The following FSD1L variants were observed in gnomAD, a reference collection of about 807,000 sequenced individuals.
FSD1L encodes FSD1-like protein.
A neutral mutation model predicts 71.6 loss-of-function variants in FSD1L; 45 were observed. That is an observed-to-expected ratio of 0.63 (90% CI 0.49 to 0.81). The LOEUF (loss-of-function observed/expected upper bound fraction) is 0.81, where lower values mean the gene tolerates loss of function less well. FSD1L is among the 30% of genes least tolerant of loss of function. FSD1L has a pLI of 0.00. For missense variants in FSD1L, 561 were observed against 618.1 expected (o/e 0.91, Z 0.98); for synonymous variants, 197 against 207.2 (o/e 0.95, Z 0.42).
intron 12 of FSD1L, among the ~76,000 whole-genome samples, chr9:105,537,678 A>G (rs1836353941): frequency 6.6e-6 from 1 of 152,080 alleles, no homozygotes; most frequent in Admixed American, 6.6e-5. Flanking sequence ...TCATAAGATA[A>G]TTGAGTTTTA....
intron 7 of FSD1L, among the ~76,000 whole-genome samples, chr9:105,502,130 T>G (rs1334344700): frequency 6.6e-6 from 1 of 152,188 alleles, no homozygotes; most frequent in African/African-American, 2.4e-5. Context: ...TAAGTCAAAC[T>G]GCTTATGTTT....
intron 6 of FSD1L, among the ~76,000 whole-genome samples, chr9:105,481,128 G>C (rs890169367): frequency 8.2e-6 from 1 of 122,194 alleles, no homozygotes; most frequent in African/African-American, 3.3e-5. Context: ...AGGAATTAGG[G>C]TTCAGGCAAA....
chr9:105,505,408 A>G (rs1247145295), intron 7 of FSD1L, among the ~76,000 whole-genome samples: 5 of 152,008 alleles, frequency 3.3e-5, no homozygotes, highest in Admixed American at 3.3e-4. Flanking sequence ...TTACTGGCGC[A>G]TGCCACCACA....
At chr9:105,536,983 G>A (rs1351787797) in intron 12 of FSD1L, among the ~76,000 whole-genome samples, 1 of 152,116 alleles carries the variant, frequency 6.6e-6, no homozygotes, top group African/African-American at 2.4e-5. Context: ...TAATGCAAAT[G>A]AAGACTATTA....
intron 9 of FSD1L, among the ~76,000 whole-genome samples, chr9:105,510,595 G>T (rs58406361): frequency 0.011 from 1,647 of 152,170 alleles, 32 homozygotes; most frequent in African/African-American, 0.038. Context: ...TTCCACTTAA[G>T]GTTCTTGATA....
intron 3 of FSD1L, among the ~76,000 whole-genome samples, chr9:105,467,268 A>G (rs550855227): frequency 6.6e-6 from 1 of 152,346 alleles, no homozygotes; most frequent in Non-Finnish European, 1.5e-5. Flanking sequence ...AAGTTTGGAC[A>G]TATAATATTA....
chr9:105,485,546 T>TG (rs1341784921), intron 7 of FSD1L, among the ~76,000 whole-genome samples: 57 of 150,604 alleles, frequency 3.8e-4, no homozygotes, highest in Middle Eastern at 6.8e-3. Context: ...TTTTTTTTTT[T>TG]TTTTTTTTTT....
In FSD1L at chr9:105,494,300, T is replaced by C. The variant is rs1833187334; in HGVS notation, c.586+9798T>C. On this transcript the variant is annotated intron_variant, in intron 7 of 13. Transcript: ENST00000481272. Reference sequence around the variant, plus strand: ...TCTTCCAGTTGATTGCATCGGCTCCTGAGGCTTCTGCATTCTTCACGTAGT... The same window carrying C: ...TCTTCCAGTTGATTGCATCGGCTCCCGAGGCTTCTGCATTCTTCACGTAGT... Among the ~76,000 whole-genome samples, 3 of 152,206 alleles carry C rather than the reference T, an allele frequency of 2.0e-5. 1 individual carries two copies. The South Asian group carries it at 6.2e-4, about 32-fold the overall frequency.
At chr9:105,460,815 A>C (rs984717639) in intron 1 of FSD1L, among the ~76,000 whole-genome samples, 4 of 152,120 alleles carry the variant, frequency 2.6e-5, no homozygotes, top group Non-Finnish European at 5.9e-5. Flanking sequence ...CTAACCCAAA[A>C]CATGAGTGAA....
rs114339202 is a variant in FSD1L, at chr9:105,497,191, C to A, written c.587-9208C>A. Among the ~76,000 whole-genome samples, 1,402 of 152,240 alleles carry A rather than the reference C, an allele frequency of 9.2e-3. 22 individuals carry two copies. The highest frequency in any genetic ancestry group is 0.032 in the African/African-American group (1,340 of 41,512). ...TTACATTGATTTTTCAAATGTCGAACCAGCCTGCATACTTGGAATAAATAC... is the reference window on the plus strand; with the variant it reads ...TTACATTGATTTTTCAAATGTCGAAACAGCCTGCATACTTGGAATAAATAC... On this transcript the variant is annotated intron_variant, in intron 7 of 13. Transcript: ENST00000481272.
chr9:105,552,181 G>A lies in FSD1L; in HGVS notation c.*5698G>A, dbSNP rs1194406965. ...TAATTCCTCAGGTTTGGCCTTTTAA[G>A]TTATGGCTGAAGACCTTTAATGATA... is the stretch of plus-strand genomic sequence containing the variant. On this transcript the variant is annotated 3_prime_UTR_variant, in exon 14 of 14. Coordinates refer to ENST00000481272, the MANE Select transcript of FSD1L (RefSeq NM_001145313.3). 2.1e-5 allele frequency: 3 copies of A among 140,184 alleles called. No individual in the cohort carries two copies. In the Admixed American group the frequency reaches 2.2e-4, roughly 10 times the overall value. The allele number at this position is 140,184 out of a possible 1,614,324, so 8.7% of individuals were successfully genotyped here.
intron 13 of FSD1L, among the ~76,000 whole-genome samples, chr9:105,544,740 T>C (rs10761100): frequency 0.69 from 104,355 of 151,890 alleles, 36,051 homozygotes; most frequent in African/African-American, 0.75. Flanking sequence ...TGGTTGTTGA[T>C]GTGTGGTATT....
upstream of FSD1L, among the ~76,000 whole-genome samples, chr9:105,446,177 G>C (rs146291923): frequency 4.1e-4 from 63 of 152,124 alleles, no homozygotes; most frequent in East Asian, 0.011. Flanking sequence ...AATAAATGCT[G>C]TTTCTCAAAC....
chr9:105,467,971 T>G (rs919117974), intron 3 of FSD1L, among the ~76,000 whole-genome samples: 1 of 152,202 alleles, frequency 6.6e-6, no homozygotes, highest in African/African-American at 2.4e-5. Flanking sequence ...AAAAGACAAC[T>G]TAACTGATAG....
chr9:105,542,960 T>G (rs1353823414), intron 13 of FSD1L, among the ~76,000 whole-genome samples: 1 of 152,170 alleles, frequency 6.6e-6, no homozygotes, highest in Non-Finnish European at 1.5e-5. Context: ...CACAAAGGTT[T>G]TATGTTTTCT....
chr9:105,526,351 G>A (rs993483727), intron 10 of FSD1L: 33 of 1,612,080 alleles, frequency 2.0e-5, no homozygotes, highest in Admixed American at 5.0e-5. Flanking sequence ...ATCTGATGCC[G>A]ATCATTAAAT....
chr9:105,462,864 A>G (rs1233567178), intron 2 of FSD1L, among the ~76,000 whole-genome samples: 1 of 149,698 alleles, frequency 6.7e-6, no homozygotes, highest in Non-Finnish European at 1.5e-5. Flanking sequence ...GTTGCCAGGT[A>G]TGGTAGCTTA....
intron 10 of FSD1L, among the ~76,000 whole-genome samples, chr9:105,529,260 A>G (rs1476008697): frequency 2.0e-5 from 3 of 152,226 alleles, no homozygotes; most frequent in Non-Finnish European, 4.4e-5. Flanking sequence ...TGACCCAGCA[A>G]TCCCATTACT....
At chr9:105,525,385 A>G (rs1835444663) in intron 10 of FSD1L, 1 of 1,601,718 alleles carries the variant, frequency 6.2e-7, no homozygotes, top group East Asian at 2.2e-5. Context: ...ACCTGTGTGC[A>G]TTTCTGAAAA....
Sources: gnomAD v4.1 joint callset for allele counts (sites outside exome capture counted in the v4.1 genomes callset) on GRCh38, gnomAD v4.1.1 for gene constraint, MANE v1.5 for transcripts, NCBI Gene and HGNC (gene_info 2026-07-23, HGNC 2026-07-21) for gene names.